PDE3A: variants seen among roughly 807,000 people sequenced by gnomAD.
PDE3A encodes the protein cGMP-inhibited 3',5'-cyclic phosphodiesterase 3A.
PDE3A carries 43 observed loss-of-function variants against 98.3 expected under a neutral mutation model. That is an observed-to-expected ratio of 0.44 (90% CI 0.34 to 0.56). The LOEUF is 0.56. Among genes scored for constraint, PDE3A ranks in the 20% least tolerant of loss-of-function variants. The pLI is 0.01. For missense variants in PDE3A, 1,427 were observed against 1,440.7 expected, an observed-to-expected ratio of 0.99 and a Z score of 0.15; for synonymous variants, 663 against 567.9, an observed-to-expected ratio of 1.17 and a Z score of -2.38.
chr12:20,612,993 A>G (rs1943907091), intron 2 of PDE3A, among the ~76,000 whole-genome samples: 2 of 152,068 alleles, frequency 1.3e-5, no homozygotes, highest in South Asian at 4.1e-4. Flanking sequence ...TAGCAAAAAT[A>G]TTCATTGAAT....
chr12:20,422,673 C>T (rs375417376), intron 1 of PDE3A, among the ~76,000 whole-genome samples: 76 of 152,252 alleles, frequency 5.0e-4, no homozygotes, highest in African/African-American at 1.6e-3. Flanking sequence ...ATGGAATAAC[C>T]GCATATAGAC....
intron 2 of PDE3A, among the ~76,000 whole-genome samples, chr12:20,558,069 A>G (rs1396161308): frequency 6.6e-6 from 1 of 152,130 alleles, no homozygotes; most frequent in Non-Finnish European, 1.5e-5. Flanking sequence ...TGTTGAGGAC[A>G]TGTCTCTTCA....
chr12:20,628,038 A>C (rs1944306400), intron 5 of PDE3A, among the ~76,000 whole-genome samples: 1 of 152,238 alleles, frequency 6.6e-6, no homozygotes, highest in Admixed American at 6.5e-5. Context: ...CATTAGAGAA[A>C]TGGGAAGGGA....
intron 14 of PDE3A, among the ~76,000 whole-genome samples, chr12:20,652,221 A>G (rs1448207807): frequency 2.6e-5 from 4 of 152,320 alleles, no homozygotes; most frequent in African/African-American, 9.6e-5. Flanking sequence ...TAGTGCCTCA[A>G]TAAACATACA....
intron 2 of PDE3A, among the ~76,000 whole-genome samples, chr12:20,563,761 G>A (rs2121292324): frequency 2.6e-5 from 4 of 152,234 alleles, no homozygotes; most frequent in Admixed American, 2.6e-4. Context: ...ACTTAGTGTA[G>A]GGATGGCTTT....
At chr12:20,582,124 G>C (rs1943082527) in intron 2 of PDE3A, among the ~76,000 whole-genome samples, 1 of 151,934 alleles carries the variant, frequency 6.6e-6, no homozygotes, top group Non-Finnish European at 1.5e-5. Context: ...AAAGACATTT[G>C]TCTCCAAATT....
chr12:20,640,128 C>A (rs1317325232), intron 10 of PDE3A, among the ~76,000 whole-genome samples, 171 bp downstream of exon 10: 1 of 151,908 alleles, frequency 6.6e-6, no homozygotes, highest in African/African-American at 2.4e-5. Context: ...GAATCCTGGC[C>A]CCTTTACTTT....
intron 1 of PDE3A, among the ~76,000 whole-genome samples, chr12:20,494,573 G>A (rs986371759): frequency 1.3e-5 from 2 of 152,050 alleles, no homozygotes; most frequent in Non-Finnish European, 2.9e-5. Flanking sequence ...TTGTGTGTGT[G>A]TATAGTTTTG....
At chr12:20,453,172 G>GT (rs1565554312) in intron 1 of PDE3A, among the ~76,000 whole-genome samples, 1,250 of 117,740 alleles carry the variant, frequency 0.011, 21 homozygotes, top group African/African-American at 0.038. Context: ...ACTTGATAAT[G>GT]CTTTTTTTTT....
chr12:20,648,760 C>T lies in PDE3A; in HGVS notation c.2638C>T (p.Arg880Trp), dbSNP rs768903805. The T allele has an allele frequency of 1.7e-5, 27 of 1,612,658 alleles. No individual in the cohort carries two copies. The highest frequency in any genetic ancestry group is 8.3e-5 in the Admixed American group (5 of 59,990). ...TGCTGCATGGAATCTTTTCATGTCCCGGCCAGAGTATAACTTCTTAATTAA... is the reference window on the plus strand; with the variant it reads ...TGCTGCATGGAATCTTTTCATGTCCTGGCCAGAGTATAACTTCTTAATTAA... ...AAAAWNLFMS[R>W]PEYNFLINLD... Residue 880 changes from arginine to tryptophan, a missense_variant, in exon 13 of 16, where the codon CGG becomes TGG. Arg to Trp is a moderately radical substitution (Grantham distance 101). This residue lies in a region of PDE3A where 273 missense variants were observed against 420.3 expected (regional missense o/e 0.65). Transcript: ENST00000359062.
intron 1 of PDE3A, among the ~76,000 whole-genome samples, chr12:20,536,536 C>T (rs11045295): frequency 0.041 from 6,288 of 152,170 alleles, 443 homozygotes; most frequent in African/African-American, 0.14. Flanking sequence ...TCTCATTTCA[C>T]CTACCTCTCT....
Position 20,648,689 on chromosome 12 carries a change from C to T in PDE3A, c.2567C>T (p.Ala856Val). The T allele has an allele frequency of 1.3e-6, 2 of 1,594,404 alleles. No individual in the cohort carries two copies. The highest frequency in any genetic ancestry group is 1.7e-6 in the Non-Finnish European group (2 of 1,162,324). ...CTCTTAACTGTCTTATTTGCCTAGG[C>T]GGTGCTATATAACGATCGTTCAGTT... is the stretch of plus-strand genomic sequence containing the variant. The part of the protein sequence containing the change: ...AFLVATSAPQ[A>V]VLYNDRSVLE... The change falls in exon 13 of 16, where the codon GCG becomes GTG. Residue 856 changes from alanine (A) to valine (V), a missense_variant and splice_region_variant. Physicochemically the swap from Ala to Val is moderately conservative, Grantham distance 64 (BLOSUM62 0). Coordinates refer to ENST00000359062, the MANE Select transcript of PDE3A (RefSeq NM_000921.5).
intron 1 of PDE3A, among the ~76,000 whole-genome samples, chr12:20,486,989 A>T (rs1945737777): frequency 6.6e-6 from 1 of 152,196 alleles, no homozygotes; most frequent in Admixed American, 6.5e-5. Flanking sequence ...ACGTGTAGAG[A>T]CTTTCAAAGC....
intron 1 of PDE3A, among the ~76,000 whole-genome samples, chr12:20,456,657 A>G (rs763800680): frequency 6.6e-6 from 1 of 152,152 alleles, no homozygotes. Context: ...TGGAAATGCA[A>G]TTATGTATAT....
At chr12:20,580,164 G>A (rs1353359858) in intron 2 of PDE3A, among the ~76,000 whole-genome samples, 1 of 152,248 alleles carries the variant, frequency 6.6e-6, no homozygotes, top group Non-Finnish European at 1.5e-5. Flanking sequence ...GATTAATCAT[G>A]TAACAAGCCA....
chr12:20,523,994 G>A (rs1946473835), intron 1 of PDE3A, among the ~76,000 whole-genome samples: 1 of 152,102 alleles, frequency 6.6e-6, no homozygotes, highest in Non-Finnish European at 1.5e-5. Context: ...AATTTAAAGG[G>A]AGGAATGGTT....
At chr12:20,603,771 C>T (rs149466711) in intron 2 of PDE3A, among the ~76,000 whole-genome samples, 141 of 152,124 alleles carry the variant, frequency 9.3e-4, no homozygotes, top group African/African-American at 3.3e-3. Flanking sequence ...TATTTTGGAC[C>T]ACGCACTCTC....
chr12:20,409,131 C>T (rs1409659091), intron 1 of PDE3A, among the ~76,000 whole-genome samples: 3 of 152,116 alleles, frequency 2.0e-5, no homozygotes, highest in Admixed American at 6.5e-5. Context: ...TCCTCATTTC[C>T]TCCTGAATTC....
chr12:20,559,333 C>T (rs1446683180), intron 2 of PDE3A, among the ~76,000 whole-genome samples: 1 of 151,792 alleles, frequency 6.6e-6, no homozygotes, highest in Non-Finnish European at 1.5e-5. Flanking sequence ...GATGTTCCCA[C>T]AACAAAATCC....
Sources: gnomAD v4.1 joint callset for allele counts (sites outside exome capture counted in the v4.1 genomes callset) on GRCh38, gnomAD v4.1.1 for gene constraint, gnomAD v4.1.1 regional missense constraint, MANE v1.5 for transcripts, NCBI Gene and HGNC (gene_info 2026-07-23, HGNC 2026-07-21) for gene names.